Variants in TSHZ3 observed in about 807,000 individuals in gnomAD.
TSHZ3 encodes the protein teashirt homolog 3.
A neutral mutation model predicts 64.5 loss-of-function variants in TSHZ3; 10 were observed. That is an observed-to-expected ratio of 0.16 (90% confidence interval 0.10 to 0.26). The LOEUF is 0.26. Among genes scored for constraint, TSHZ3 ranks in the 10% least tolerant of loss-of-function variants. The pLI, the probability that TSHZ3 is intolerant of heterozygous loss-of-function variation, is 1.00. For synonymous variants in TSHZ3, 608 were observed against 593.1 expected, an observed-to-expected ratio of 1.03 and a Z score of -0.36; for missense variants, 1,242 against 1,421.7, an observed-to-expected ratio of 0.87 and a Z score of 2.03.
At chr19:31,224,829 G>A (rs1302270903) in intron 4 of TSHZ3, among the ~76,000 whole-genome samples, 1 of 152,212 alleles carries the variant, frequency 6.6e-6, no homozygotes, top group Non-Finnish European at 1.5e-5. Flanking sequence ...TGATTCACCA[G>A]CTTTCTATCA....
At chr19:31,261,788 C>T (rs1283632459) in intron 1 of TSHZ3, among the ~76,000 whole-genome samples, 1 of 152,082 alleles carries the variant, frequency 6.6e-6, no homozygotes, top group East Asian at 1.9e-4. Flanking sequence ...ACCTCTTGTC[C>T]TCCAAAAGTA....
chr19:31,188,340 C>T (rs940083448), intron 5 of TSHZ3, among the ~76,000 whole-genome samples: 4 of 151,610 alleles, frequency 2.6e-5, no homozygotes, highest in Admixed American at 6.6e-5. Flanking sequence ...TTATTTCTTC[C>T]TTTCCAAACC....
upstream of TSHZ3, chr19:31,349,476 G>T (rs1269373231): frequency 1.3e-5 from 5 of 383,154 alleles, no homozygotes; most frequent in Non-Finnish European, 1.8e-5. Flanking sequence ...AGGAGCACGG[G>T]GGGGAGGAGG....
chr19:31,159,188 T>G (rs965571796), intron 5 of TSHZ3, among the ~76,000 whole-genome samples: 12 of 151,976 alleles, frequency 7.9e-5, no homozygotes, highest in African/African-American at 2.7e-4. Flanking sequence ...CTTGTGGAGA[T>G]GGGGGTTTCA....
At chr19:31,155,706 C>T (rs1042439026) in intron 6 of TSHZ3, among the ~76,000 whole-genome samples, 3 of 152,132 alleles carry the variant, frequency 2.0e-5, no homozygotes, top group Admixed American at 1.3e-4. Context: ...CAAGTTCTCG[C>T]CTTCGTCTGC....
At chr19:31,283,453 A>G (rs1256786796) in intron 1 of TSHZ3, among the ~76,000 whole-genome samples, 1 of 152,234 alleles carries the variant, frequency 6.6e-6, no homozygotes, top group Non-Finnish European at 1.5e-5. Flanking sequence ...GTTCTAGAAA[A>G]TGGAAATGGA....
intron 1 of TSHZ3, among the ~76,000 whole-genome samples, chr19:31,326,624 A>C (rs1178227215): frequency 6.6e-6 from 1 of 152,220 alleles, no homozygotes; most frequent in Non-Finnish European, 1.5e-5. Context: ...TCACTTTCTC[A>C]TGGGGCTGAA....
intron 1 of TSHZ3, among the ~76,000 whole-genome samples, chr19:31,269,383 G>A (rs1396606680): frequency 2.0e-5 from 3 of 152,074 alleles, no homozygotes; most frequent in South Asian, 2.1e-4. Context: ...TCCGGCGACC[G>A]TACCTCCATT....
intron 5 of TSHZ3, among the ~76,000 whole-genome samples, chr19:31,189,686 T>TA (rs931879916): frequency 4.6e-5 from 7 of 151,756 alleles, no homozygotes; most frequent in South Asian, 4.2e-4. Context: ...CCAGATGCAC[T>TA]AAAAAAAATG....
At chr19:31,231,403 C>T (rs115918653) in intron 3 of TSHZ3, among the ~76,000 whole-genome samples, 2,038 of 152,208 alleles carry the variant, frequency 0.013, 50 homozygotes, top group African/African-American at 0.047. Flanking sequence ...CCACATGCCC[C>T]GATCCCGACT....
chr19:31,167,983 TAA>T (rs1012396042), intron 5 of TSHZ3: 8 of 152,230 alleles, frequency 5.3e-5, no homozygotes, highest in African/African-American at 1.9e-4. Context: ...GGTGTGTTTC[TAA>T]AAGAGAGCTC....
At chr19:31,342,164 A>T (rs1390251979) in intron 1 of TSHZ3, among the ~76,000 whole-genome samples, 3 of 152,364 alleles carry the variant, frequency 2.0e-5, no homozygotes, top group African/African-American at 7.2e-5. Context: ...TAATTACAGA[A>T]CTTCGTATCA....
intron 1 of TSHZ3, among the ~76,000 whole-genome samples, chr19:31,286,466 G>A (rs1976466094): frequency 6.6e-6 from 1 of 152,298 alleles, no homozygotes; most frequent in South Asian, 2.1e-4. Flanking sequence ...CATTGCATCT[G>A]GTCCTCTCAA....
intron 5 of TSHZ3, among the ~76,000 whole-genome samples, chr19:31,183,871 G>A (rs1057300888): frequency 1.1e-4 from 17 of 152,018 alleles, no homozygotes; most frequent in Admixed American, 3.3e-4. Flanking sequence ...TATTAGTGCC[G>A]AACAGTCATT....
intron 5 of TSHZ3, among the ~76,000 whole-genome samples, chr19:31,199,116 A>G (rs912279439): frequency 1.3e-5 from 2 of 152,166 alleles, no homozygotes; most frequent in African/African-American, 4.8e-5. Flanking sequence ...CTATAAGAAT[A>G]TAGTCAGGGC....
intron 6 of TSHZ3, among the ~76,000 whole-genome samples, chr19:31,155,500 G>T (rs937976937): frequency 6.6e-6 from 1 of 152,144 alleles, no homozygotes; most frequent in African/African-American, 2.4e-5. Flanking sequence ...ATATCTTTCC[G>T]CAGCCTGGGC....
chr19:31,345,435 G>GACA (rs1194220903), intron 1 of TSHZ3, among the ~76,000 whole-genome samples: 2 of 152,312 alleles, frequency 1.3e-5, no homozygotes, highest in Non-Finnish European at 2.9e-5. Context: ...CACCAGGTGG[G>GACA]CCACCTCTTA....
intron 1 of TSHZ3, among the ~76,000 whole-genome samples, chr19:31,284,049 C>T (rs902625363): frequency 6.6e-6 from 1 of 152,198 alleles, no homozygotes; most frequent in Non-Finnish European, 1.5e-5. Context: ...AATTCCGCTA[C>T]TGTCTCCAAC....
In TSHZ3 at chr19:31,255,193, GT is replaced by G. The variant is rs568625940; in HGVS notation, n.64-12319del. 5.0e-4 allele frequency among the ~76,000 whole-genome samples: 76 copies of G among 152,244 alleles called. 1 individual carries two copies. The highest frequency in any genetic ancestry group is 1.6e-3 in the African/African-American group (65 of 41,540). On this transcript the variant is annotated intron_variant and non_coding_transcript_variant, in intron 1 of 6. Coordinates refer to the TSHZ3 transcript ENST00000651361. ...GAATGCCAACCAAATTTTGCAGAGT[GT>G]TTTGAACTCCCCCAAAACCCCTCTG...
Sources: gnomAD v4.1 joint callset for allele counts (sites outside exome capture counted in the v4.1 genomes callset) on GRCh38, gnomAD v4.1.1 for gene constraint, MANE v1.5 for transcripts, NCBI Gene and HGNC (gene_info 2026-07-23, HGNC 2026-07-21) for gene names.